ANKRD28: variants seen among roughly 807,000 people sequenced by gnomAD.
ANKRD28 encodes serine/threonine-protein phosphatase 6 regulatory ankyrin repeat subunit A.
In ANKRD28, 44 loss-of-function variants were observed where a neutral mutation model predicts 126.5. The ratio of observed to expected loss-of-function variants is 0.35; its 90% CI spans 0.27 to 0.45. The LOEUF (loss-of-function observed/expected upper bound fraction) is 0.45. Among genes scored for constraint, ANKRD28 ranks in the 20% least tolerant of loss-of-function variants. The pLI is 1.00. For synonymous variants in ANKRD28, 442 were observed against 468.5 expected, an observed-to-expected ratio of 0.94 and a Z score of 0.73; for missense variants, 1,110 against 1,316.6, an observed-to-expected ratio of 0.84 and a Z score of 2.43.
At chr3:15,851,911 G>T (rs1269873866) in intron 1 of ANKRD28, among the ~76,000 whole-genome samples, 1 of 152,106 alleles carries the variant, frequency 6.6e-6, no homozygotes. Context: ...AGAAAATATG[G>T]TATATCCATA....
intron 4 of ANKRD28, among the ~76,000 whole-genome samples, chr3:15,739,797 A>C (rs563487901): frequency 4.7e-4 from 71 of 152,382 alleles, no homozygotes; most frequent in African/African-American, 1.6e-3. Context: ...CATGGGAAAT[A>C]GCACCAGTAC....
chr3:15,763,602 T>C (rs925036958), intron 3 of ANKRD28, among the ~76,000 whole-genome samples: 3 of 152,208 alleles, frequency 2.0e-5, no homozygotes, highest in Non-Finnish European at 2.9e-5. Flanking sequence ...GAAGATCTTG[T>C]TGATGATGCG....
chr3:15,831,529 A>G (rs139958629), intron 1 of ANKRD28, among the ~76,000 whole-genome samples: 13 of 152,314 alleles, frequency 8.5e-5, no homozygotes, highest in Admixed American at 8.5e-4. Flanking sequence ...CCCAGTGGTA[A>G]CAACAAAAAA....
chr3:15,749,101 G>GTTTTTTTTTTTTTTTTT (rs869266246), intron 4 of ANKRD28, among the ~76,000 whole-genome samples: 4 of 53,082 alleles, frequency 7.5e-5, no homozygotes, highest in East Asian at 6.6e-4. Context: ...TTATGTTTTT[G>GTTTTTTTTTTTTTTTTT]TTTTTTTTTT....
At chr3:15,732,095 G>A (rs954209768) in intron 6 of ANKRD28, 2 of 152,168 alleles carry the variant, frequency 1.3e-5, no homozygotes, top group African/African-American at 2.4e-5. Flanking sequence ...TGCCACTCCC[G>A]GAGAGAGCAG....
intron 14 of ANKRD28, among the ~76,000 whole-genome samples, chr3:15,707,267 A>T (rs1257565489): frequency 1.3e-5 from 2 of 152,186 alleles, no homozygotes; most frequent in Non-Finnish European, 2.9e-5. Context: ...AGAAAAAAAA[A>T]ATATGTATCA....
chr3:15,827,005 T>C (rs1344119466), intron 1 of ANKRD28, among the ~76,000 whole-genome samples: 1 of 152,150 alleles, frequency 6.6e-6, no homozygotes, highest in African/African-American at 2.4e-5. Flanking sequence ...TGGCCAAGTA[T>C]ATATTTTTTA....
intron 1 of ANKRD28, among the ~76,000 whole-genome samples, chr3:15,851,339 C>T (rs1010901074): frequency 3.3e-5 from 5 of 151,716 alleles, no homozygotes; most frequent in Admixed American, 1.3e-4. Context: ...CTCGTAAGTT[C>T]AAGGCCAGCC....
chr3:15,856,283 T>A (rs1194284247), intron 1 of ANKRD28, among the ~76,000 whole-genome samples: 1 of 152,166 alleles, frequency 6.6e-6, no homozygotes, highest in Non-Finnish European at 1.5e-5. Flanking sequence ...TTGTTCTTAT[T>A]TGCCATGATG....
At chr3:15,734,908 G>T (rs999882077) in intron 6 of ANKRD28, among the ~76,000 whole-genome samples, 1 of 87,430 alleles carries the variant, frequency 1.1e-5, no homozygotes, top group African/African-American at 3.0e-5. Flanking sequence ...GTACAATTTT[G>T]CAGACTGTAA....
At chr3:15,695,738 G>A (rs1468248210) in intron 15 of ANKRD28, among the ~76,000 whole-genome samples, 1 of 152,096 alleles carries the variant, frequency 6.6e-6, no homozygotes, top group Non-Finnish European at 1.5e-5. Context: ...CTTGTTAGGA[G>A]GGGTTGTGAA....
chr3:15,689,132 A>G (rs1167073937), intron 18 of ANKRD28, among the ~76,000 whole-genome samples: 1 of 152,222 alleles, frequency 6.6e-6, no homozygotes, highest in South Asian at 2.1e-4. Flanking sequence ...AAATTTCCCC[A>G]GACAGTTGTA....
chr3:15,849,293 CATGG>C (rs1442151301), intron 1 of ANKRD28, among the ~76,000 whole-genome samples: 1 of 152,044 alleles, frequency 6.6e-6, no homozygotes, highest in Non-Finnish European at 1.5e-5. Flanking sequence ...GAAATTGACC[CATGG>C]ATGCTAAAAT....
intron 2 of ANKRD28, among the ~76,000 whole-genome samples, chr3:15,782,808 C>T (rs1487045265): frequency 2.0e-5 from 3 of 152,000 alleles, no homozygotes; most frequent in East Asian, 1.9e-4. Context: ...GGAACCTGGG[C>T]GAGAACTTTT....
At chr3:15,684,211 C>A (rs1156753383) in intron 21 of ANKRD28, 3 of 152,172 alleles carry the variant, frequency 2.0e-5, no homozygotes, top group Non-Finnish European at 4.4e-5. Flanking sequence ...TGCTTCATTG[C>A]ATAAATTATT....
Position 15,797,978 on chromosome 3 carries a change from C to T in ANKRD28, c.-1457G>A. On this transcript the variant is annotated 5_prime_UTR_variant, in exon 1 of 28. Coordinates refer to ENST00000683139, the MANE Select transcript of ANKRD28 (RefSeq NM_001349278.2). ...CTCACATGTTACACTTACCAGAGAT[C>T]TGAGCTACTTCTCGGGATGTAACTT... The T allele has an allele frequency of 1.0e-6, 1 of 985,360 alleles. No individual in the cohort carries two copies. The highest frequency in any genetic ancestry group is 1.2e-6 in the Non-Finnish European group (1 of 829,892). 61.0% of individuals were successfully genotyped at this position (985,360 alleles called of 1,614,324 possible).
chr3:15,805,234 C>CA (rs906691378), intron 1 of ANKRD28, among the ~76,000 whole-genome samples: 10 of 151,498 alleles, frequency 6.6e-5, no homozygotes, highest in African/African-American at 2.4e-4. Flanking sequence ...CCTAATATGC[C>CA]AAAACTAAGG....
At chr3:15,717,109 CA>C (rs1267809815) in intron 8 of ANKRD28, among the ~76,000 whole-genome samples, 2 of 152,164 alleles carry the variant, frequency 1.3e-5, no homozygotes, top group Non-Finnish European at 2.9e-5. Context: ...TACTAGGTCT[CA>C]TAGCTAATAA....
At chr3:15,796,106 G>T (rs575766615) in intron 1 of ANKRD28, among the ~76,000 whole-genome samples, 201 of 152,158 alleles carry the variant, frequency 1.3e-3, no homozygotes, top group Non-Finnish European at 2.4e-3. Flanking sequence ...ATCAGTTTCT[G>T]AAACCACAAA....
Sources: gnomAD v4.1 joint callset for allele counts (sites outside exome capture counted in the v4.1 genomes callset) on GRCh38, gnomAD v4.1.1 for gene constraint, MANE v1.5 for transcripts, NCBI Gene and HGNC (gene_info 2026-07-23, HGNC 2026-07-21) for gene names.